Variants in HBS1L observed in about 807,000 individuals in gnomAD.
HBS1L encodes the protein HBS1 like translational GTPase, also known as HBS1-like protein.
HBS1L carries 55 observed loss-of-function variants against 88.9 expected under a neutral mutation model. The ratio of observed to expected loss-of-function variants is 0.62; its 90% CI spans 0.50 to 0.77. The LOEUF (loss-of-function observed/expected upper bound fraction) is 0.77, where lower values mean the gene tolerates loss of function less well. Ranked by LOEUF, HBS1L falls within the 30% of genes least tolerant of loss-of-function variation. The pLI is 0.00. For synonymous variants in HBS1L, 267 were observed against 288.5 expected (o/e 0.93, Z 0.76); for missense variants, 741 against 829.3 (o/e 0.89, Z 1.31).
chr6:135,037,922 T>C (rs1776609992), intron 4 of HBS1L: 1 of 1,551,188 alleles, frequency 6.4e-7, no homozygotes, highest in Non-Finnish European at 8.7e-7. Flanking sequence ...CCTACTGAGC[T>C]AGCAAAATCA....
intron 4 of HBS1L, among the ~76,000 whole-genome samples, chr6:135,019,644 T>A (rs945280535): frequency 2.6e-5 from 4 of 151,826 alleles, no homozygotes; most frequent in Non-Finnish European, 4.4e-5. Context: ...TTCAGAAACA[T>A]GACCTTAAAG....
At chr6:135,013,479 C>T (rs1775829890) in intron 4 of HBS1L, among the ~76,000 whole-genome samples, 1 of 152,168 alleles carries the variant, frequency 6.6e-6, no homozygotes, top group African/African-American at 2.4e-5. Flanking sequence ...AAGCAGGTAA[C>T]TCATTTAGAA....
At chr6:134,977,970 G>A (rs896848805) in intron 15 of HBS1L, among the ~76,000 whole-genome samples, 20 of 151,956 alleles carry the variant, frequency 1.3e-4, no homozygotes, top group African/African-American at 3.6e-4. Flanking sequence ...TAACATTATT[G>A]TATAAAATCT....
At chr6:135,033,541 A>AT (rs1474135799) in intron 4 of HBS1L, among the ~76,000 whole-genome samples, 4 of 152,182 alleles carry the variant, frequency 2.6e-5, no homozygotes, top group Non-Finnish European at 4.4e-5. Flanking sequence ...GCCAAGGAAA[A>AT]TAGGAAGCCT....
chr6:135,002,939 T>G (rs1463748736), intron 4 of HBS1L, 97 bp from the exon 5 acceptor site: 25 of 719,630 alleles, frequency 3.5e-5, no homozygotes, highest in Non-Finnish European at 5.8e-5. Context: ...ATGATAACTT[T>G]CACAGAATTA....
intron 4 of HBS1L, among the ~76,000 whole-genome samples, chr6:135,021,468 A>G (rs553056009): frequency 6.6e-6 from 1 of 152,288 alleles, no homozygotes; most frequent in Admixed American, 6.5e-5. Context: ...TAAACAGACT[A>G]GCAAATGACT....
intron 4 of HBS1L, among the ~76,000 whole-genome samples, chr6:135,004,715 T>A (rs539240868): frequency 6.6e-6 from 1 of 152,072 alleles, no homozygotes; most frequent in East Asian, 1.9e-4. Context: ...TAGGGAAAAT[T>A]TTGAGATTGG....
At chr6:134,973,951 A>AT (rs1562274400) in intron 15 of HBS1L, among the ~76,000 whole-genome samples, 12 of 151,978 alleles carry the variant, frequency 7.9e-5, no homozygotes, top group African/African-American at 2.9e-4. Context: ...TATATATATA[A>AT]AATAATAAAA....
chr6:134,999,230 C>G (rs999804163), intron 5 of HBS1L, among the ~76,000 whole-genome samples: 2 of 152,040 alleles, frequency 1.3e-5, no homozygotes, highest in Non-Finnish European at 2.9e-5. Context: ...ATATGGAAAA[C>G]AGATCAAAGC....
intron 4 of HBS1L, among the ~76,000 whole-genome samples, chr6:135,012,511 C>G (rs1266544060): frequency 6.6e-6 from 1 of 152,168 alleles, no homozygotes; most frequent in African/African-American, 2.4e-5. Flanking sequence ...CTTTCTATCT[C>G]TAGCTCCTCA....
At chr6:135,030,210 A>C (rs192898225) in intron 4 of HBS1L, among the ~76,000 whole-genome samples, 1 of 152,342 alleles carries the variant, frequency 6.6e-6, no homozygotes, top group Non-Finnish European at 1.5e-5. Context: ...AGAGGATACA[A>C]GTGCTGTGAA....
chr6:134,978,391 A>G (rs546485317), intron 15 of HBS1L, among the ~76,000 whole-genome samples: 43 of 151,996 alleles, frequency 2.8e-4, no homozygotes, highest in Non-Finnish European at 5.0e-4. Flanking sequence ...GAACACAGTG[A>G]AAATGTGTCT....
chr6:134,972,477 C>G (rs1194703620), intron 15 of HBS1L, among the ~76,000 whole-genome samples: 1 of 151,966 alleles, frequency 6.6e-6, no homozygotes, highest in African/African-American at 2.4e-5. Flanking sequence ...AATATAAAAG[C>G]AAAAACAACA....
At chr6:135,023,162 T>A (rs1776121945) in intron 4 of HBS1L, among the ~76,000 whole-genome samples, 2 of 151,862 alleles carry the variant, frequency 1.3e-5, no homozygotes, top group Non-Finnish European at 2.9e-5. Flanking sequence ...GAACCAAAAG[T>A]GGCCGGGCAC....
intron 13 of HBS1L, 38 bp from the exon 14 acceptor site, chr6:134,979,306 C>T (rs370473860): frequency 6.9e-7 from 1 of 1,441,750 alleles, no homozygotes; most frequent in Admixed American, 1.7e-5. Context: ...CAGTGAAACA[C>T]CTCGATATCA....
At chr6:135,053,019 T>C in intron 1 of HBS1L, among the ~76,000 whole-genome samples, 1 of 152,216 alleles carries the variant, frequency 6.6e-6, no homozygotes, top group East Asian at 1.9e-4. Context: ...GTACAACTTT[T>C]ATAAACAAGA....
At chr6:134,966,499 G>C (rs1178893477) in intron 16 of HBS1L, 26 bp from the exon 17 acceptor site, 1 of 1,504,234 alleles carries the variant, frequency 6.6e-7, no homozygotes, top group Non-Finnish European at 9.0e-7. Flanking sequence ...AAGAACAAAT[G>C]AATATATGAT....
intron 4 of HBS1L, among the ~76,000 whole-genome samples, chr6:135,035,451 T>C (rs1486754914): frequency 7.4e-6 from 1 of 134,964 alleles, no homozygotes; most frequent in South Asian, 2.3e-4. Context: ...AAAAAAATAA[T>C]AAGAACAGGC....
At chr6:134,986,895 G>T in intron 9 of HBS1L, 85 bp from the exon 10 acceptor site, 1 of 501,276 alleles carries the variant, frequency 2.0e-6, no homozygotes, top group South Asian at 4.7e-5. Flanking sequence ...ATATAATCAA[G>T]ACTATATAAA....
Sources: gnomAD v4.1 joint callset for allele counts (sites outside exome capture counted in the v4.1 genomes callset) on GRCh38, gnomAD v4.1.1 for gene constraint, MANE v1.5 for transcripts, NCBI Gene and HGNC (gene_info 2026-07-23, HGNC 2026-07-21) for gene names.